Variants in UNC79 observed in about 807,000 individuals in gnomAD.
The protein encoded by UNC79 is protein unc-79 homolog.
Under a neutral mutation model 283.1 loss-of-function variants are expected in UNC79, and 37 were observed. The observed-to-expected ratio is 0.13, with a 90% confidence interval of 0.10 to 0.17. The LOEUF (loss-of-function observed/expected upper bound fraction) is 0.17. Ranked by LOEUF, UNC79 falls within the 10% of genes least tolerant of loss-of-function variation. UNC79 has a pLI of 1.00. For missense variants in UNC79, 2,272 were observed against 3,211.1 expected (o/e 0.71, Z 7.07); for synonymous variants, 1,107 against 1,200.2 (o/e 0.92, Z 1.61).
At chr14:93,648,723 T>A (rs944788970) in intron 35 of UNC79, among the ~76,000 whole-genome samples, 4 of 152,044 alleles carry the variant, frequency 2.6e-5, no homozygotes, top group African/African-American at 7.2e-5. Context: ...ATGTTTAAAC[T>A]AAGATCTGAA....
intron 40 of UNC79, among the ~76,000 whole-genome samples, chr14:93,664,397 A>G (rs934083281): frequency 6.6e-6 from 1 of 152,156 alleles, no homozygotes; most frequent in African/African-American, 2.4e-5. Flanking sequence ...GGGATTGACA[A>G]TCAGAGTGGT....
exon 38 of UNC79, chr14:93,655,359 C>T (rs1333290340): frequency 1.9e-6 from 3 of 1,613,972 alleles, no homozygotes; most frequent in African/African-American, 1.3e-5. Flanking sequence ...CAATTAGCAA[C>T]CAGTTTCAGA....
At chr14:93,683,180 G>A (rs2073975056) in intron 42 of UNC79, among the ~76,000 whole-genome samples, 1 of 151,666 alleles carries the variant, frequency 6.6e-6, no homozygotes, top group African/African-American at 2.4e-5. Context: ...GGTTCTATGA[G>A]ACAAAAATCC....
chr14:93,354,547 G>T (rs1396732743), intron 1 of UNC79, among the ~76,000 whole-genome samples: 2 of 152,208 alleles, frequency 1.3e-5, no homozygotes, highest in African/African-American at 4.8e-5. Flanking sequence ...ACCCAGGCTG[G>T]AATGTAGTGG....
chr14:93,356,224 C>T (rs574497132), intron 1 of UNC79, among the ~76,000 whole-genome samples: 7 of 152,066 alleles, frequency 4.6e-5, no homozygotes, highest in African/African-American at 9.6e-5. Flanking sequence ...GACAGAGTTT[C>T]GTTGGCCAGG....
chr14:93,565,651 C>T (rs947092495), intron 14 of UNC79, among the ~76,000 whole-genome samples: 6 of 136,990 alleles, frequency 4.4e-5, no homozygotes, highest in African/African-American at 1.1e-4. Flanking sequence ...CTTCTCAGGC[C>T]GTATTTAGTT....
intron 1 of UNC79, among the ~76,000 whole-genome samples, chr14:93,415,331 G>T (rs1242731185): frequency 6.6e-6 from 1 of 152,192 alleles, no homozygotes; most frequent in Non-Finnish European, 1.5e-5. Flanking sequence ...GTATTGATTT[G>T]TGTATATTGA....
At chr14:93,556,112 T>G (rs1268462182) in intron 14 of UNC79, among the ~76,000 whole-genome samples, 1 of 152,128 alleles carries the variant, frequency 6.6e-6, no homozygotes, top group Non-Finnish European at 1.5e-5. Context: ...AAGAGGCAAG[T>G]GCTATGAGAC....
At chr14:93,512,377 A>T (rs2059867811) in intron 7 of UNC79, among the ~76,000 whole-genome samples, 1 of 147,300 alleles carries the variant, frequency 6.8e-6, no homozygotes, top group South Asian at 2.2e-4. Context: ...TGGTTTTTGT[A>T]CTTATTTTGC....
At position 93,621,835 on chromosome 14, in the gene UNC79, A is replaced by C; in HGVS notation, c.4602A>C (p.Gln1534His). Residue 1534 changes from glutamine to histidine, a missense_variant, in exon 30 of 49, where the codon CAA becomes CAC. Physicochemically the swap from Gln to His is conservative, Grantham distance 24. Around this residue, in one of 11 missense-constraint regions of UNC79, gnomAD observed 580 missense variants for 632.2 expected, o/e 0.92. Coordinates refer to ENST00000555664, the Ensembl canonical transcript of UNC79. The surrounding 1 kb of genome is among the most constrained non-coding windows in gnomAD (Gnocchi z 4.8). ...GTGACATAGAGAAGCCTCCGACCCA[A>C]GCTGCGTATATCGCACAAAGACCAA... 6.2e-7 allele frequency: 1 copy of C among 1,614,072 alleles called. No homozygotes were observed. Among genetic ancestry groups the C allele is most frequent in the Non-Finnish European group, 8.5e-7 (1 of 1,179,982 alleles).
intron 1 of UNC79, among the ~76,000 whole-genome samples, chr14:93,462,920 C>T (rs1023788575): frequency 1.3e-5 from 2 of 152,132 alleles, no homozygotes; most frequent in Non-Finnish European, 2.9e-5. Context: ...CTGTTATTCA[C>T]AACAGCTACC....
chr14:93,372,301 A>G (rs1466056781), intron 1 of UNC79, among the ~76,000 whole-genome samples: 1 of 152,244 alleles, frequency 6.6e-6, no homozygotes, highest in Non-Finnish European at 1.5e-5. Context: ...TATTACATAC[A>G]GTAACAAACA....
At chr14:93,656,352 C>T (rs2070930248) in intron 38 of UNC79, among the ~76,000 whole-genome samples, 1 of 152,084 alleles carries the variant, frequency 6.6e-6, no homozygotes, top group African/African-American at 2.4e-5. Context: ...TGCCTGTAAT[C>T]CCAACACTTT....
intron 1 of UNC79, among the ~76,000 whole-genome samples, chr14:93,389,491 A>G (rs934738081): frequency 6.6e-6 from 1 of 152,104 alleles, no homozygotes; most frequent in African/African-American, 2.4e-5. Context: ...TTCATATAAC[A>G]TTGCAGAGCC....
At position 93,617,430 on chromosome 14, in the gene UNC79, G is replaced by T. The variant is rs145245610; in HGVS notation, c.4224+126G>T. ...GTTTGACCTTCAGAAGGAAGATCAGGATATGCAATTACTGTTAAGAACCAA... is the reference window on the plus strand; with the variant it reads ...GTTTGACCTTCAGAAGGAAGATCAGTATATGCAATTACTGTTAAGAACCAA... On this transcript the variant is annotated intron_variant, in intron 28 of 48. Transcript: ENST00000555664. This position sits in a 1 kb window ranked among gnomAD's most constrained non-coding sequence, Gnocchi z 4.5. The T allele has an allele frequency of 8.1e-4, 810 of 996,542 alleles. 16 individuals are homozygous for T. The East Asian group carries it at 0.02, about 25-fold the overall frequency. The allele number at this position is 996,542 out of a possible 1,614,324, so 61.7% of individuals were successfully genotyped here.
At chr14:93,467,647 T>TGG in intron 1 of UNC79, 24 bp from the exon 2 acceptor site, 1 of 1,102,924 alleles carries the variant, frequency 9.1e-7, no homozygotes, top group African/African-American at 2.2e-5. Flanking sequence ...TTTTTTTTTT[T>TGG]TTTTTTTTTT....
intron 1 of UNC79, among the ~76,000 whole-genome samples, chr14:93,422,978 GC>G (rs1379444640): frequency 1.3e-5 from 2 of 149,964 alleles, no homozygotes; most frequent in African/African-American, 2.5e-5. Context: ...CAGGAGAATG[GC>G]GTGCACCTGG....
intron 26 of UNC79, 112 bp downstream of exon 26, chr14:93,603,530 T>C (rs1240471026): frequency 4.6e-6 from 6 of 1,296,170 alleles, no homozygotes; most frequent in Non-Finnish European, 6.3e-6. Context: ...ACTGAGTTTG[T>C]TCAATAAGTT....
At chr14:93,509,037 T>G (rs894319567) in intron 7 of UNC79, among the ~76,000 whole-genome samples, 1 of 152,196 alleles carries the variant, frequency 6.6e-6, no homozygotes, top group East Asian at 1.9e-4. Flanking sequence ...AGGTTTCTGC[T>G]TCTGGGGAGA....
Sources: gnomAD v4.1 joint callset for allele counts (sites outside exome capture counted in the v4.1 genomes callset) on GRCh38, gnomAD v4.1.1 for gene constraint, gnomAD v4.1.1 regional missense constraint, Gnocchi (gnomAD v3.1) non-coding constraint, MANE v1.5 for transcripts, NCBI Gene and HGNC (gene_info 2026-07-23, HGNC 2026-07-21) for gene names.